GALK2: variants seen among roughly 807,000 people sequenced by gnomAD.
The protein encoded by GALK2 is galactokinase 2, also known as N-acetylgalactosamine kinase.
Under a neutral mutation model 52.4 loss-of-function variants are expected in GALK2, and 36 were observed. That is an observed-to-expected ratio of 0.69 (90% CI 0.53 to 0.91). GALK2 has a LOEUF of 0.91. GALK2 is among the 40% of genes least tolerant of loss of function. The pLI is 0.00. For synonymous variants in GALK2, 176 were observed against 199.1 expected (o/e 0.88, Z 0.98); for missense variants, 579 against 559.1 (o/e 1.04, Z -0.36).
At chr15:49,242,146 G>T (rs1298351857) in intron 5 of GALK2, among the ~76,000 whole-genome samples, 3 of 152,098 alleles carry the variant, frequency 2.0e-5, no homozygotes, top group Non-Finnish European at 2.9e-5. Flanking sequence ...GAATTCAAGG[G>T]ACTTTAGAGA....
intron 8 of GALK2, among the ~76,000 whole-genome samples, chr15:49,310,594 C>T (rs527658596): frequency 2.6e-5 from 4 of 152,062 alleles, no homozygotes; most frequent in South Asian, 4.2e-4. Context: ...CTGGGTGAGA[C>T]GATACCTCAT....
intron 7 of GALK2, among the ~76,000 whole-genome samples, chr15:49,284,407 TAGTA>T (rs1258771737): frequency 3.9e-5 from 6 of 152,180 alleles, no homozygotes; most frequent in African/African-American, 1.2e-4. Context: ...TGTGATCAGA[TAGTA>T]AGTAATCCAG....
At chr15:49,283,080 A>G (rs2127243) in intron 6 of GALK2, among the ~76,000 whole-genome samples, 9,188 of 152,292 alleles carry the variant, frequency 0.06, 556 homozygotes, top group African/African-American at 0.15. Flanking sequence ...CCATGCCCGT[A>G]GCTCCATTAA....
intron 3 of GALK2, among the ~76,000 whole-genome samples, chr15:49,345,497 A>G: frequency 6.6e-6 from 1 of 152,264 alleles, no homozygotes; most frequent in East Asian, 1.9e-4. Flanking sequence ...ACTTATAACT[A>G]TAAATTTTTT....
intron 3 of GALK2, chr15:49,366,813 G>C: frequency 1.8e-6 from 1 of 553,210 alleles, no homozygotes; most frequent in Non-Finnish European, 3.2e-6. Context: ...CTGCTGCAGG[G>C]GCCGCCACTG....
intron 8 of GALK2, among the ~76,000 whole-genome samples, chr15:49,299,713 T>TCTTG (rs2034810889): frequency 2.6e-5 from 1 of 38,122 alleles, no homozygotes; most frequent in South Asian, 1.4e-3. Context: ...GGTATTGCTT[T>TCTTG]CTTTCTTTCT....
rs1356074486 is a variant in GALK2, at chr15:49,319,644, C to G, written c.1008C>G (p.Tyr336Ter). 6.2e-7 allele frequency: 1 copy of G among 1,614,168 alleles called. No homozygotes were observed. Among genetic ancestry groups the G allele is most frequent in the South Asian group, 1.1e-5 (1 of 91,072 alleles). The change falls in exon 9 of 10, where the codon TAC becomes TAG. Residue 336 changes from tyrosine to a stop codon, truncating the protein, a stop_gained. Coordinates refer to ENST00000560031, the MANE Select transcript of GALK2 (RefSeq NM_002044.4). LOFTEE classifies it high-confidence loss of function. ...FKLYQRAKHVYSEAARVLQFK... is the reference protein window; with the variant it reads ...FKLYQRAKHV Reference sequence around the variant, plus strand: ...TCTATCAGCGGGCAAAGCATGTGTACAGCGAGGCTGCGCGAGTGCTCCAGT... The same window carrying G: ...TCTATCAGCGGGCAAAGCATGTGTAGAGCGAGGCTGCGCGAGTGCTCCAGT...
intron 2 of GALK2, among the ~76,000 whole-genome samples, chr15:49,216,335 G>C (rs971728437): frequency 6.6e-6 from 1 of 152,314 alleles, no homozygotes; most frequent in East Asian, 1.9e-4. Flanking sequence ...CTAAGTCCTG[G>C]AATTGACAGC....
At chr15:49,310,820 C>G (rs551165737) in intron 8 of GALK2, among the ~76,000 whole-genome samples, 9 of 152,064 alleles carry the variant, frequency 5.9e-5, no homozygotes, top group East Asian at 1.9e-4. Flanking sequence ...TGCAGGTATT[C>G]TCTCCCATTC....
At chr15:49,326,161 A>G (rs999045488) in intron 9 of GALK2, among the ~76,000 whole-genome samples, 1 of 151,900 alleles carries the variant, frequency 6.6e-6, no homozygotes, top group African/African-American at 2.4e-5. Context: ...TTTAATGCCC[A>G]TATTTTAGGG....
At chr15:49,195,057 C>G (rs2087095869) in intron 1 of GALK2, 3 of 450,784 alleles carry the variant, frequency 6.7e-6, no homozygotes, top group South Asian at 4.7e-5. Flanking sequence ...GATATCTTTT[C>G]ATTTCTTATT....
In GALK2 at chr15:49,254,548, G is replaced by A. The variant is rs545171927; in HGVS notation, c.504+15181G>A. Among the ~76,000 whole-genome samples the A allele has an allele frequency of 6.3e-5, 9 of 143,416 alleles. 2 individuals are homozygous for A. Among genetic ancestry groups the A allele is most frequent in the Non-Finnish European group, 6.3e-5 (4 of 63,846 alleles). 94.1% of individuals were successfully genotyped at this position (143,416 alleles called of 152,430 possible). ...AATTTGTATTTATATTTATTTTCAT[G>A]ACAAAATATTTTAATTCTCATCAGG... On this transcript the variant is annotated intron_variant, in intron 5 of 9. Coordinates refer to ENST00000560031, the MANE Select transcript of GALK2 (RefSeq NM_002044.4).
chr15:49,358,767 C>G (rs1168858859), intron 3 of GALK2, among the ~76,000 whole-genome samples: 1 of 152,106 alleles, frequency 6.6e-6, no homozygotes, highest in African/African-American at 2.4e-5. Flanking sequence ...CAAAAAAGAG[C>G]CTGCATCGCC....
upstream of GALK2, among the ~76,000 whole-genome samples, chr15:49,166,018 G>A (rs1014881365): frequency 8.7e-4 from 132 of 152,002 alleles, 1 homozygote; most frequent in African/African-American, 3.0e-3. Context: ...TAGCCAGGAT[G>A]GTCTCGATCT....
chr15:49,170,088 G>C, upstream of GALK2: 1 of 879,088 alleles, frequency 1.1e-6, no homozygotes, highest in Admixed American at 3.1e-5. Context: ...CTAAGAGCAG[G>C]ACGGAGGCTG....
intron 3 of GALK2, among the ~76,000 whole-genome samples, chr15:49,350,986 A>G (rs1256191413): frequency 3.3e-5 from 5 of 152,184 alleles, no homozygotes. Context: ...CTGAGCACAT[A>G]TATGCTACAC....
At chr15:49,206,818 A>G (rs2088327710) in intron 2 of GALK2, among the ~76,000 whole-genome samples, 1 of 152,136 alleles carries the variant, frequency 6.6e-6, no homozygotes, top group Admixed American at 6.6e-5. Flanking sequence ...ACCAATTTGA[A>G]TGCCCTATAT....
intron 7 of GALK2, among the ~76,000 whole-genome samples, chr15:49,284,893 G>A (rs778118020): frequency 1.3e-5 from 2 of 151,884 alleles, no homozygotes; most frequent in Admixed American, 6.6e-5. Context: ...CTTGTTCCTC[G>A]CCTCTATTTC....
chr15:49,191,988 C>T (rs1280231557), intron 1 of GALK2, among the ~76,000 whole-genome samples: 1 of 151,624 alleles, frequency 6.6e-6, no homozygotes, highest in Non-Finnish European at 1.5e-5. Context: ...CTAATGTTTC[C>T]ATTATTTTTG....
Sources: allele counts gnomAD v4.1 joint callset (sites outside exome capture counted in the v4.1 genomes callset), GRCh38; gene constraint gnomAD v4.1.1; transcripts MANE v1.5; gene names NCBI Gene and HGNC (gene_info 2026-07-23, HGNC 2026-07-21).